SCAF8: variants seen among roughly 807,000 people sequenced by gnomAD.
SCAF8 encodes the protein SR-related CTD associated factor 8, also known as SR-related and CTD-associated factor 8.
A neutral mutation model predicts 140.5 loss-of-function variants in SCAF8; 23 were observed. The ratio of observed to expected loss-of-function variants is 0.16; its 90% CI spans 0.12 to 0.23. SCAF8 has a LOEUF of 0.23. SCAF8 is among the 10% of genes least tolerant of loss of function. The pLI is 1.00. For synonymous variants in SCAF8, 575 were observed against 528.9 expected, an observed-to-expected ratio of 1.09 and a Z score of -1.20; for missense variants, 1,397 against 1,555.7, an observed-to-expected ratio of 0.90 and a Z score of 1.72.
chr6:154,780,583 T>G (rs146289010), intron 3 of SCAF8, among the ~76,000 whole-genome samples: 2,535 of 152,018 alleles, frequency 0.017, 27 homozygotes, highest in Non-Finnish European at 0.023. Context: ...CCATGTGTTG[T>G]CATTGTTCAA....
chr6:154,832,322 A>C lies in SCAF8; in HGVS notation c.2743A>C (p.Asn915His), dbSNP rs771819214. 2.0e-5 allele frequency: 32 copies of C among 1,613,904 alleles called. No individual in the cohort carries two copies. The highest frequency in any genetic ancestry group is 1.6e-4 in the Middle Eastern group (1 of 6,082). The stretch of plus-strand genomic sequence containing the variant: ...AAACTTACCCCCTTTAAGTATCCCT[A>C]ATCAAAGGATGCCCACAATGCCAAT... ...PQNLPPLSIP[N>H]QRMPTMPMLD... Residue 915 changes from asparagine to histidine, a missense_variant, in exon 20 of 20, where the codon AAT becomes CAT. Around this residue, in one of 5 missense-constraint regions of SCAF8, gnomAD observed 930 missense variants for 874.6 expected, o/e 1.06. Coordinates refer to ENST00000367178, the MANE Select transcript of SCAF8 (RefSeq NM_014892.5).
At position 154,833,649 on chromosome 6, in the gene SCAF8, G is replaced by A. The variant is rs1184868728; in HGVS notation, c.*254G>A. 7 of 329,080 alleles carry A rather than the reference G, an allele frequency of 2.1e-5. No individual in the cohort carries two copies. The highest frequency in any genetic ancestry group is 6.7e-5 in the South Asian group (1 of 14,940). The allele number at this position is 329,080 out of a possible 1,614,324, so 20.4% of individuals were successfully genotyped here. Reference sequence around the variant, plus strand: ...AATGTTGGCCCCAGATTCTTTTAACGTCAAGGAAATGAATAACAGCTTGTC... The same window carrying A: ...AATGTTGGCCCCAGATTCTTTTAACATCAAGGAAATGAATAACAGCTTGTC... On this transcript the variant is annotated 3_prime_UTR_variant, in exon 20 of 20. Coordinates refer to ENST00000367178, the MANE Select transcript of SCAF8 (RefSeq NM_014892.5).
chr6:154,784,615 G>A (rs1777198691), intron 3 of SCAF8, among the ~76,000 whole-genome samples: 1 of 152,144 alleles, frequency 6.6e-6, no homozygotes, highest in Admixed American at 6.5e-5. Context: ...TGAGTAGAAT[G>A]TGAATGAAGT....
At chr6:154,803,193 A>C (rs1400584389) in intron 7 of SCAF8, among the ~76,000 whole-genome samples, 2 of 152,144 alleles carry the variant, frequency 1.3e-5, no homozygotes, top group East Asian at 3.8e-4. Flanking sequence ...TAAGATGAGA[A>C]CCATATTAGG....
chr6:154,737,536 T>G (rs570060666), intron 1 of SCAF8, among the ~76,000 whole-genome samples: 80 of 151,872 alleles, frequency 5.3e-4, no homozygotes, highest in African/African-American at 1.9e-3. Flanking sequence ...ACAACACAAA[T>G]TAGCTGGTCA....
chr6:154,811,506 T>C (rs1368391758), intron 12 of SCAF8, among the ~76,000 whole-genome samples: 2 of 152,144 alleles, frequency 1.3e-5, no homozygotes, highest in Non-Finnish European at 2.9e-5. Flanking sequence ...CATGGTGGTT[T>C]GCTGCACCCA....
At chr6:154,762,904 G>A (rs1776447536) in intron 1 of SCAF8, among the ~76,000 whole-genome samples, 1 of 152,122 alleles carries the variant, frequency 6.6e-6, no homozygotes, top group Admixed American at 6.5e-5. Context: ...GGAATGGTCA[G>A]TTTTAGACAT....
In SCAF8 at chr6:154,832,812, A is replaced by T. The variant is rs1267261170; in HGVS notation, c.3233A>T (p.His1078Leu). 3 of 1,613,326 alleles carry T rather than the reference A, an allele frequency of 1.9e-6. No individual in the cohort carries two copies. The highest frequency in any genetic ancestry group is 3.3e-5 in the Admixed American group (2 of 59,982). ...AATCTTGTGAGGCCAGGTATAGATC[A>T]TCTTGGTCGAAGAGACCACTTTGGC... is the stretch of plus-strand genomic sequence containing the variant. ...RENLVRPGID[H>L]LGRRDHFGFN... is the part of the protein sequence containing the mutation. Residue 1078 changes from histidine to leucine, a missense_variant, in exon 20 of 20, where the codon CAT (histidine) becomes CTT (leucine). Around this residue, in one of 5 missense-constraint regions of SCAF8, gnomAD observed 930 missense variants for 874.6 expected, o/e 1.06. Coordinates refer to ENST00000367178, the MANE Select transcript of SCAF8 (RefSeq NM_014892.5).
Position 154,808,553 on chromosome 6 carries a change from A to G in SCAF8, c.1114-133A>G. ...TACTTCTTCTAATGGGGCCCAGGGA[A>G]GCCAAAAGATTGGACACCCCTGTAT... On this transcript the variant is annotated intron_variant, in intron 10 of 19. Coordinates refer to ENST00000367178, the MANE Select transcript of SCAF8 (RefSeq NM_014892.5). 4 of 619,180 alleles carry G rather than the reference A, an allele frequency of 6.5e-6. No individual in the cohort carries two copies. In the South Asian group the frequency reaches 6.5e-5, roughly 10 times the overall value. The allele number at this position is 619,180 out of a possible 1,614,324, so 38.4% of individuals were successfully genotyped here.
intron 18 of SCAF8, among the ~76,000 whole-genome samples, chr6:154,830,394 G>T (rs1413138920): frequency 6.6e-6 from 1 of 151,990 alleles, no homozygotes; most frequent in African/African-American, 2.4e-5. Flanking sequence ...ATGCACTTAG[G>T]GATATTTATA....
chr6:154,827,150 T>TG (rs1562466520), intron 17 of SCAF8, 22 bp from the exon 18 acceptor site: 1 of 1,584,068 alleles, frequency 6.3e-7, no homozygotes, highest in Non-Finnish European at 8.6e-7. Context: ...TGCTATTTTT[T>TG]GGGGTTTTTT....
chr6:154,789,180 C>G (rs1777339384), intron 4 of SCAF8, among the ~76,000 whole-genome samples: 2 of 152,060 alleles, frequency 1.3e-5, no homozygotes, highest in Admixed American at 1.3e-4. Flanking sequence ...ATGATCTTGG[C>G]TCACTGCTAC....
chr6:154,745,551 T>G (rs1301250732), intron 1 of SCAF8, among the ~76,000 whole-genome samples: 1 of 152,016 alleles, frequency 6.6e-6, no homozygotes, highest in Non-Finnish European at 1.5e-5. Context: ...TTTTTTAGAT[T>G]TTTGGTAGAG....
intron 3 of SCAF8, among the ~76,000 whole-genome samples, chr6:154,780,605 G>A (rs1231519100): frequency 6.6e-6 from 1 of 151,012 alleles, no homozygotes; most frequent in Non-Finnish European, 1.5e-5. Flanking sequence ...TCCCACTTAC[G>A]AGTGAGAACA....
At chr6:154,827,635 T>G (rs1778602571) in intron 18 of SCAF8, among the ~76,000 whole-genome samples, 1 of 152,186 alleles carries the variant, frequency 6.6e-6, no homozygotes, top group Non-Finnish European at 1.5e-5. Context: ...GTTTTTTGCT[T>G]CTTTGTGGTA....
chr6:154,803,159 G>A (rs987583461), intron 7 of SCAF8, among the ~76,000 whole-genome samples: 4 of 152,060 alleles, frequency 2.6e-5, no homozygotes, highest in African/African-American at 9.7e-5. Context: ...TTTAAATTGA[G>A]CATTCAGAAG....
chr6:154,796,434 G>A (rs949130003), intron 6 of SCAF8, among the ~76,000 whole-genome samples: 1 of 145,404 alleles, frequency 6.9e-6, no homozygotes, highest in Admixed American at 7.0e-5. Context: ...GCTATCCTTT[G>A]AGGCAGTACA....
intron 8 of SCAF8, among the ~76,000 whole-genome samples, chr6:154,804,416 C>G (rs1562454882): frequency 6.6e-6 from 1 of 152,074 alleles, no homozygotes; most frequent in African/African-American, 2.4e-5. Context: ...GATCAGTGTC[C>G]TAAACAATGT....
intron 1 of SCAF8, among the ~76,000 whole-genome samples, chr6:154,771,207 T>C (rs565091036): frequency 6.6e-6 from 1 of 152,354 alleles, no homozygotes; most frequent in African/African-American, 2.4e-5. Flanking sequence ...GCTTCACAGG[T>C]ATTATAAATG....
Sources: gnomAD v4.1 joint callset for allele counts (sites outside exome capture counted in the v4.1 genomes callset) on GRCh38, gnomAD v4.1.1 for gene constraint, gnomAD v4.1.1 regional missense constraint, MANE v1.5 for transcripts, NCBI Gene and HGNC (gene_info 2026-07-23, HGNC 2026-07-21) for gene names.